Variants in SHISAL1 observed in about 807,000 individuals in gnomAD.
SHISAL1 encodes the protein shisa like 1.
A neutral mutation model predicts 22.6 loss-of-function variants in SHISAL1; 9 were observed. The ratio of observed to expected loss-of-function variants is 0.40; its 90% CI spans 0.24 to 0.70. The LOEUF is 0.70. SHISAL1 is among the 30% of genes least tolerant of loss of function. SHISAL1 has a pLI of 0.39. For synonymous variants in SHISAL1, 119 were observed against 115.4 expected, an observed-to-expected ratio of 1.03 and a Z score of -0.20; for missense variants, 246 against 270.6, an observed-to-expected ratio of 0.91 and a Z score of 0.64.
chr22:44,291,591 G>A (rs1281302357), intron 3 of SHISAL1, among the ~76,000 whole-genome samples: 1 of 152,024 alleles, frequency 6.6e-6, no homozygotes, highest in Non-Finnish European at 1.5e-5. Context: ...GAGGTTTCAC[G>A]CGTGGCCAAG....
intron 4 of SHISAL1, among the ~76,000 whole-genome samples, chr22:44,281,721 G>A (rs1188066558): frequency 2.6e-5 from 4 of 152,144 alleles, no homozygotes; most frequent in Non-Finnish European, 4.4e-5. Context: ...GGAGTCTTGG[G>A]GTCACCAGAG....
the SHISAL1 span, among the ~76,000 whole-genome samples, chr22:44,320,476 G>A: frequency 6.6e-6 from 1 of 152,176 alleles, no homozygotes; most frequent in Non-Finnish European, 1.5e-5. Flanking sequence ...ATAAACTCCA[G>A]CTCATCCCTC....
intron 3 of SHISAL1, among the ~76,000 whole-genome samples, chr22:44,293,703 C>T (rs1743971940): frequency 6.6e-6 from 1 of 152,210 alleles, no homozygotes; most frequent in African/African-American, 2.4e-5. Context: ...TCCCCTTCCT[C>T]ATCTGTAAAA....
chr22:44,331,560 G>A, the SHISAL1 span, among the ~76,000 whole-genome samples: 3 of 149,952 alleles, frequency 2.0e-5, no homozygotes, highest in African/African-American at 7.3e-5. The surrounding 1 kb of genome is among the most constrained non-coding windows in gnomAD (Gnocchi z 5.2). Flanking sequence ...GGAGCCGCCT[G>A]CTGGGGTGCG....
intron 2 of SHISAL1, among the ~76,000 whole-genome samples, chr22:44,297,190 CTGTA>C (rs1197782924): frequency 2.6e-5 from 4 of 152,226 alleles, no homozygotes; most frequent in African/African-American, 9.7e-5. Context: ...TGAGCACCTA[CTGTA>C]TGCTTCACAG....
chr22:44,282,644 G>C (rs540296257), intron 4 of SHISAL1, among the ~76,000 whole-genome samples: 24 of 152,232 alleles, frequency 1.6e-4, no homozygotes, highest in Non-Finnish European at 2.6e-4. Flanking sequence ...AAGCCACAGA[G>C]GCTGGGCTCA....
At chr22:44,292,624 C>T (rs1283172588) in intron 3 of SHISAL1, among the ~76,000 whole-genome samples, 3 of 152,202 alleles carry the variant, frequency 2.0e-5, no homozygotes, top group South Asian at 2.1e-4. Context: ...CCTGGGTCCC[C>T]GTGCACACAG....
the SHISAL1 span, among the ~76,000 whole-genome samples, chr22:44,327,190 T>C: frequency 6.6e-6 from 1 of 152,012 alleles, no homozygotes; most frequent in Non-Finnish European, 1.5e-5. Context: ...GCACTGTCTC[T>C]GTCTACCACC....
At chr22:44,288,326 G>T (rs181805286) in intron 3 of SHISAL1, among the ~76,000 whole-genome samples, 4 of 152,190 alleles carry the variant, frequency 2.6e-5, no homozygotes, top group Admixed American at 1.3e-4. Context: ...GCGGCCACCC[G>T]GGTTCTCAGG....
rs2055508444 is a variant in SHISAL1 at position 44,310,169 on chromosome 22, C to T, written c.-33+2582G>A. ...ACCTGATGCCTAGCCCTGCAGCGGTCACATCCCCGAACCCAGCCCTGCTGA... is the reference window on the plus strand; with the variant it reads ...ACCTGATGCCTAGCCCTGCAGCGGTTACATCCCCGAACCCAGCCCTGCTGA... On this transcript the variant is annotated intron_variant, in intron 1 of 4. Coordinates refer to ENST00000381176, the MANE Select transcript of SHISAL1 (RefSeq NM_001099294.2). This position sits in a 1 kb window ranked among gnomAD's most constrained non-coding sequence, Gnocchi z 4.0. Among the ~76,000 whole-genome samples the T allele has an allele frequency of 1.3e-5, 2 of 152,362 alleles. No individual in the cohort carries two copies. Among genetic ancestry groups the T allele is most frequent in the African/African-American group, 4.8e-5 (2 of 41,580 alleles).
At position 44,283,271 on chromosome 22, in the gene SHISAL1, G is replaced by T. The variant is rs186861965; in HGVS notation, c.599+2157C>A. Among the ~76,000 whole-genome samples, 303 of 152,348 alleles carry T rather than the reference G, an allele frequency of 2.0e-3. 1 individual carries two copies. Among genetic ancestry groups the T allele is most frequent in the African/African-American group, 7.1e-3 (297 of 41,582 alleles). Reference sequence around the variant, plus strand: ...CCTTCCTGAGCCTGCACTCAGGACGGTCAGGAAAGACGAAGAGCCTCTGAG... The same window carrying T: ...CCTTCCTGAGCCTGCACTCAGGACGTTCAGGAAAGACGAAGAGCCTCTGAG... On this transcript the variant is annotated intron_variant, in intron 4 of 4. Coordinates refer to ENST00000381176, the MANE Select transcript of SHISAL1 (RefSeq NM_001099294.2).
chr22:44,306,631 G>A (rs2055477805), intron 1 of SHISAL1, among the ~76,000 whole-genome samples: 1 of 140,302 alleles, frequency 7.1e-6, no homozygotes, highest in Non-Finnish European at 1.6e-5. Flanking sequence ...CTGTGATGAC[G>A]ATGGCGTGTG....
At chr22:44,325,292 G>C in the SHISAL1 span, among the ~76,000 whole-genome samples, 30,505 of 151,812 alleles carry the variant, frequency 0.2, 3,369 homozygotes, top group African/African-American at 0.29. Flanking sequence ...TGAGCTGAAG[G>C]CTGAACCTGG....
rs2054989624 is a variant in SHISAL1, at chr22:44,245,301, GTTCT to G, written c.*4380_*4383del. On this transcript the variant is annotated 3_prime_UTR_variant, in exon 5 of 5. Transcript: ENST00000381176. ...GTTCCCAATAACTCCATCCAGGTCT[GTTCT>G]TCCTTCCTTCCTTCTTACCTACCTA... 6.6e-6 allele frequency: 1 copy of G among 152,342 alleles called. No individual in the cohort carries two copies. Among genetic ancestry groups the G allele is most frequent in the African/African-American group, 2.4e-5 (1 of 41,452 alleles). 9.4% of individuals were successfully genotyped at this position (152,342 alleles called of 1,614,324 possible). A position where few individuals can be genotyped will look rare whatever the true frequency, so the allele number is the denominator to read the frequency against.
chr22:44,285,034 T>C (rs1190818951), intron 4 of SHISAL1, among the ~76,000 whole-genome samples: 1 of 152,180 alleles, frequency 6.6e-6, no homozygotes, highest in African/African-American at 2.4e-5. Flanking sequence ...TCTAACCTCA[T>C]GCTGAAAAAT....
intron 3 of SHISAL1, among the ~76,000 whole-genome samples, chr22:44,290,390 G>A (rs777770043): frequency 5.9e-5 from 9 of 152,248 alleles, no homozygotes; most frequent in Middle Eastern, 3.4e-3. Flanking sequence ...TTAGCTGGGC[G>A]TGGTGGCAGG....
the SHISAL1 span, among the ~76,000 whole-genome samples, chr22:44,320,753 G>C: frequency 1.3e-5 from 2 of 152,184 alleles, no homozygotes; most frequent in African/African-American, 4.8e-5. Context: ...AGGTGATGGA[G>C]GAAGGGCTGC....
chr22:44,294,332 C>T (rs1043752676), intron 3 of SHISAL1, among the ~76,000 whole-genome samples: 16 of 152,176 alleles, frequency 1.1e-4, no homozygotes, highest in African/African-American at 3.6e-4. Flanking sequence ...GGTGGGGAGA[C>T]TTGGAACAGG....
At chr22:44,318,464 C>A in the SHISAL1 span, among the ~76,000 whole-genome samples, 3 of 152,194 alleles carry the variant, frequency 2.0e-5, no homozygotes, top group Non-Finnish European at 4.4e-5. Flanking sequence ...CCAGGCCTGG[C>A]GGAGGCTGGC....
Sources: gnomAD v4.1 joint callset for allele counts (sites outside exome capture counted in the v4.1 genomes callset) on GRCh38, gnomAD v4.1.1 for gene constraint, Gnocchi (gnomAD v3.1) non-coding constraint, MANE v1.5 for transcripts, NCBI Gene and HGNC (gene_info 2026-07-23, HGNC 2026-07-21) for gene names.